The following FILIP1 variants were observed in gnomAD, a reference collection of about 807,000 sequenced individuals.
FILIP1 encodes the protein filamin A interacting protein 1, also known as filamin-A-interacting protein 1.
A neutral mutation model predicts 102.1 loss-of-function variants in FILIP1; 61 were observed. The observed-to-expected ratio is 0.60, with a 90% CI of 0.49 to 0.74. The LOEUF is 0.74. Ranked by LOEUF, FILIP1 falls within the 30% of genes least tolerant of loss-of-function variation. FILIP1 has a pLI of 0.00. For missense variants in FILIP1, 1,314 were observed against 1,441.2 expected (o/e 0.91, Z 1.43); for synonymous variants, 491 against 526.9 (o/e 0.93, Z 0.93).
intron 1 of FILIP1, among the ~76,000 whole-genome samples, chr6:75,418,174 G>C (rs574098559): frequency 5.9e-5 from 9 of 152,266 alleles, no homozygotes; most frequent in Non-Finnish European, 1.2e-4. Context: ...CTCCAGCCTG[G>C]GCGACAGAGC....
intron 4 of FILIP1, among the ~76,000 whole-genome samples, chr6:75,343,678 G>A (rs1774486859): frequency 2.0e-5 from 3 of 152,160 alleles, no homozygotes. Context: ...CCGTTTAGTT[G>A]TGACAAATTT....
At chr6:75,413,806 T>C (rs143035102) in intron 2 of FILIP1, among the ~76,000 whole-genome samples, 251 of 150,780 alleles carry the variant, frequency 1.7e-3, no homozygotes, top group African/African-American at 5.9e-3. Context: ...AAAAGTATTG[T>C]TCCTCTACTT....
chr6:75,333,480 A>T (rs1459684812), intron 4 of FILIP1, among the ~76,000 whole-genome samples: 1 of 152,194 alleles, frequency 6.6e-6, no homozygotes, highest in African/African-American at 2.4e-5. Flanking sequence ...ACAGAAGTTC[A>T]TCCAGTCACA....
intron 1 of FILIP1, among the ~76,000 whole-genome samples, chr6:75,470,056 G>A (rs1328546075): frequency 6.6e-6 from 1 of 152,034 alleles, no homozygotes; most frequent in East Asian, 1.9e-4. Flanking sequence ...CATTAGACTG[G>A]ACATCCTAGC....
rs79344108 is a variant in FILIP1, at chr6:75,407,601, T to C, written c.276+7096A>G. 7.0e-3 allele frequency among the ~76,000 whole-genome samples: 1,063 copies of C among 152,292 alleles called. 35 individuals are homozygous for C. In the East Asian group the frequency reaches 0.11, roughly 15 times the overall value. Reference sequence around the variant, plus strand: ...ATGAAGAGAGAGTCATTCTTGACTCTCAATGTCAAGAGTCAATGTGTCAAT... The same window carrying C: ...ATGAAGAGAGAGTCATTCTTGACTCCCAATGTCAAGAGTCAATGTGTCAAT... On this transcript the variant is annotated intron_variant, in intron 2 of 5. Coordinates refer to ENST00000237172, the MANE Select transcript of FILIP1 (RefSeq NM_015687.5).
intron 3 of FILIP1, among the ~76,000 whole-genome samples, chr6:75,360,121 A>G (rs948692733): frequency 5.9e-5 from 9 of 152,178 alleles, no homozygotes; most frequent in Admixed American, 5.2e-4. Context: ...CTCTGGTAAG[A>G]GCAGACTTAC....
chr6:75,373,131 A>G (rs1775630015), intron 2 of FILIP1, among the ~76,000 whole-genome samples: 1 of 152,246 alleles, frequency 6.6e-6, no homozygotes, highest in African/African-American at 2.4e-5. Flanking sequence ...GACATGTACC[A>G]TAAGATTGGT....
At chr6:75,441,093 A>C (rs1247432767) in intron 1 of FILIP1, among the ~76,000 whole-genome samples, 1 of 151,742 alleles carries the variant, frequency 6.6e-6, no homozygotes, top group African/African-American at 2.4e-5. Context: ...ACAAGTGAAC[A>C]AAGGTCTCTG....
chr6:75,442,416 A>G (rs1308311220), intron 1 of FILIP1, among the ~76,000 whole-genome samples: 2 of 152,268 alleles, frequency 1.3e-5, no homozygotes, highest in South Asian at 4.1e-4. Flanking sequence ...TGGGAGGTGG[A>G]GGTTGTAGCG....
rs1395676018 is a variant in FILIP1 at position 75,312,828 on chromosome 6, T to C, written c.3004A>G (p.Arg1002Gly). 3.7e-6 allele frequency: 6 copies of C among 1,614,104 alleles called. No individual in the cohort carries two copies. In the Admixed American group the frequency reaches 8.3e-5, roughly 22 times the overall value. ...PESGRGAFAD[R>G]PTSPIQIMTV... ...ATTATCTGAATAGGGGATGTGGGCCTGTCTGCAAATGCGCCTCTTCCACTT... is the reference window on the plus strand; with the variant it reads ...ATTATCTGAATAGGGGATGTGGGCCCGTCTGCAAATGCGCCTCTTCCACTT... Residue 1002 changes from arginine to glycine, a missense_variant, in exon 5 of 6, where the codon AGG becomes GGG. Around this residue, in one of 3 missense-constraint regions of FILIP1, gnomAD observed 816 missense variants for 913.1 expected, o/e 0.89. Transcript: ENST00000237172.
intron 4 of FILIP1, among the ~76,000 whole-genome samples, chr6:75,350,361 T>C (rs1774751659): frequency 6.6e-6 from 1 of 151,964 alleles, no homozygotes; most frequent in Admixed American, 6.6e-5. Context: ...GTGGTGCTGA[T>C]GAAAGTATCA....
At chr6:75,452,233 T>C (rs1237192928) in intron 1 of FILIP1, among the ~76,000 whole-genome samples, 1 of 152,146 alleles carries the variant, frequency 6.6e-6, no homozygotes, top group Non-Finnish European at 1.5e-5. Context: ...ACATTAGGTA[T>C]ATCTCCTAAT....
intron 1 of FILIP1, among the ~76,000 whole-genome samples, chr6:75,456,648 C>A (rs959714489): frequency 1.3e-5 from 2 of 151,808 alleles, no homozygotes; most frequent in East Asian, 1.9e-4. Flanking sequence ...CAACCTCCCC[C>A]TCCTGGGCTC....
intron 1 of FILIP1, among the ~76,000 whole-genome samples, chr6:75,483,581 G>A (rs1353401529): frequency 2.0e-5 from 3 of 152,132 alleles, no homozygotes; most frequent in Non-Finnish European, 4.4e-5. Context: ...GGGAAATAGA[G>A]CATCATAACA....
downstream of FILIP1, among the ~76,000 whole-genome samples, chr6:75,306,132 A>G (rs1484638049): frequency 1.3e-5 from 2 of 152,214 alleles, no homozygotes; most frequent in Admixed American, 1.3e-4. Context: ...AGTGGGCTCT[A>G]AAATTACAAA....
At chr6:75,469,247 A>C (rs1779263921) in intron 1 of FILIP1, among the ~76,000 whole-genome samples, 1 of 152,064 alleles carries the variant, frequency 6.6e-6, no homozygotes, top group Non-Finnish European at 1.5e-5. Context: ...AAGCATACAA[A>C]AATTTTTGGT....
intron 4 of FILIP1, among the ~76,000 whole-genome samples, chr6:75,343,364 T>C (rs150944623): frequency 3.9e-5 from 6 of 152,308 alleles, no homozygotes; most frequent in African/African-American, 1.2e-4. Flanking sequence ...CACCTGGTAA[T>C]CCCTTCAGTC....
At chr6:75,469,238 A>G (rs1334603914) in intron 1 of FILIP1, among the ~76,000 whole-genome samples, 1 of 152,092 alleles carries the variant, frequency 6.6e-6, no homozygotes, top group Non-Finnish European at 1.5e-5. Context: ...GTAAAATTAA[A>G]GCATACAAAA....
intron 2 of FILIP1, among the ~76,000 whole-genome samples, chr6:75,374,023 T>C (rs1308794079): frequency 2.0e-5 from 3 of 152,136 alleles, no homozygotes; most frequent in Non-Finnish European, 4.4e-5. Context: ...TAAAATTCCA[T>C]GTAATAAATT....
Sources: gnomAD v4.1 joint callset for allele counts (sites outside exome capture counted in the v4.1 genomes callset) on GRCh38, gnomAD v4.1.1 for gene constraint, gnomAD v4.1.1 regional missense constraint, MANE v1.5 for transcripts, NCBI Gene and HGNC (gene_info 2026-07-23, HGNC 2026-07-21) for gene names.